The following CLOCK variants were observed in gnomAD, a reference collection of about 807,000 sequenced individuals.
CLOCK encodes circadian locomoter output cycles protein kaput.
CLOCK carries 43 observed loss-of-function variants against 118.4 expected under a neutral mutation model. The observed-to-expected ratio is 0.36, with a 90% CI of 0.28 to 0.47. The LOEUF (loss-of-function observed/expected upper bound fraction) is 0.47. Among genes scored for constraint, CLOCK ranks in the 20% least tolerant of loss-of-function variants. The probability of loss-of-function intolerance (pLI) is 1.00; values close to 1 mark genes in which losing one functional copy is unlikely to be tolerated. For missense variants in CLOCK, 846 were observed against 999.9 expected (o/e 0.85, Z 2.08); for synonymous variants, 326 against 339.2 (o/e 0.96, Z 0.43).
chr4:55,539,371 C>G (rs1441201020), intron 1 of CLOCK, among the ~76,000 whole-genome samples: 67 of 151,946 alleles, frequency 4.4e-4, no homozygotes, highest in Admixed American at 4.4e-3. Context: ...CCCAGGAGTT[C>G]AAGAACAGCC....
At chr4:55,511,868 C>G (rs191788949) in intron 1 of CLOCK, among the ~76,000 whole-genome samples, 38 of 152,098 alleles carry the variant, frequency 2.5e-4, no homozygotes, top group African/African-American at 8.7e-4. Context: ...TATGTAGTAG[C>G]CATTTCAGAC....
rs746419884 is a variant in CLOCK, at chr4:55,444,689, C to G, written c.1636G>C (p.Glu546Gln). 19 of 1,613,978 alleles carry G rather than the reference C, an allele frequency of 1.2e-5. No homozygotes were observed. Among genetic ancestry groups the G allele is most frequent in the Non-Finnish European group, 1.6e-5 (19 of 1,180,014 alleles). The part of the protein sequence containing the change: ...MIEANIHRQQ[E>Q]ELRKIQEQLQ... ...TGTTCTTGAATTTTTCTTAGTTCTT[C>G]TTGTTGCCGATGAATATTTGCTTCT... Residue 546 changes from glutamate to glutamine, a missense_variant, in exon 19 of 23, where the codon GAA becomes CAA. Glu to Gln is a conservative substitution (Grantham distance 29). Around this residue, in one of 4 missense-constraint regions of CLOCK, gnomAD observed 520 missense variants for 558.0 expected, o/e 0.93. Transcript: ENST00000513440.
intron 1 of CLOCK, among the ~76,000 whole-genome samples, chr4:55,519,067 T>C (rs1445795708): frequency 6.6e-6 from 1 of 152,182 alleles, no homozygotes; most frequent in Non-Finnish European, 1.5e-5. Flanking sequence ...ATTTTACTTT[T>C]ACTTGATAGG....
At chr4:55,536,264 T>C (rs1228802244) in intron 1 of CLOCK, among the ~76,000 whole-genome samples, 1 of 152,158 alleles carries the variant, frequency 6.6e-6, no homozygotes, top group African/African-American at 2.4e-5. Flanking sequence ...AAAATAAGGA[T>C]AGCAAACTAT....
intron 8 of CLOCK, among the ~76,000 whole-genome samples, chr4:55,467,322 G>GC (rs1303480846): frequency 6.6e-6 from 1 of 152,026 alleles, no homozygotes; most frequent in East Asian, 1.9e-4. Context: ...ACTGAGTGAC[G>GC]CTCCAAGGAA....
intron 6 of CLOCK, 129 bp downstream of exon 6, chr4:55,478,686 A>C: frequency 1.1e-6 from 1 of 889,202 alleles, no homozygotes; most frequent in Non-Finnish European, 1.8e-6. Context: ...CATATTAGGA[A>C]ACCTTTTAAA....
chr4:55,459,774 T>C (rs776816179), intron 9 of CLOCK, among the ~76,000 whole-genome samples: 30 of 152,228 alleles, frequency 2.0e-4, no homozygotes, highest in Non-Finnish European at 3.2e-4. Context: ...GTGAGCCCCC[T>C]GCCTCAGCCT....
chr4:55,532,951 C>T (rs562786324), intron 1 of CLOCK, among the ~76,000 whole-genome samples: 2 of 152,152 alleles, frequency 1.3e-5, no homozygotes, highest in Non-Finnish European at 2.9e-5. Flanking sequence ...TACAAAACAT[C>T]GCTAAAAGAA....
chr4:55,532,581 G>A (rs1025359490), intron 1 of CLOCK, among the ~76,000 whole-genome samples: 2 of 151,978 alleles, frequency 1.3e-5, no homozygotes, highest in Non-Finnish European at 2.9e-5. Context: ...ATCAAAAGAG[G>A]AAAGGCAAAC....
At position 55,432,160 on chromosome 4, in the gene CLOCK, C is replaced by G. The variant is rs964351340; in HGVS notation, c.*3255G>C. 10 of 152,122 alleles carry G rather than the reference C, an allele frequency of 6.6e-5. No individual in the cohort carries two copies. Among genetic ancestry groups the G allele is most frequent in the African/African-American group, 2.2e-4 (9 of 41,406 alleles). 9.4% of individuals were successfully genotyped at this position (152,122 alleles called of 1,614,324 possible). ...AATTTGGGATGCTCGAAGGCTAGAC[C>G]GTAGTATTTACTCACATGCTACCTG... On this transcript the variant is annotated 3_prime_UTR_variant, in exon 23 of 23. Transcript: ENST00000513440.
At chr4:55,458,129 C>G (rs1725040990) in intron 11 of CLOCK, among the ~76,000 whole-genome samples, 1 of 152,174 alleles carries the variant, frequency 6.6e-6, no homozygotes, top group Non-Finnish European at 1.5e-5. Flanking sequence ...AATGCAAACA[C>G]AGTTCACTGC....
chr4:55,480,404 A>G (rs1200913564), intron 4 of CLOCK, among the ~76,000 whole-genome samples: 2 of 152,160 alleles, frequency 1.3e-5, no homozygotes, highest in African/African-American at 4.8e-5. Flanking sequence ...AGCTGGGACC[A>G]CAGGTACATG....
At chr4:55,517,207 T>A (rs1729570657) in intron 1 of CLOCK, among the ~76,000 whole-genome samples, 1 of 152,152 alleles carries the variant, frequency 6.6e-6, no homozygotes, top group African/African-American at 2.4e-5. Flanking sequence ...TCCATGTGAT[T>A]ACTATAGTGT....
chr4:55,456,108 G>C (rs570289586), intron 12 of CLOCK, 105 bp from the exon 13 acceptor site: 3 of 1,331,808 alleles, frequency 2.3e-6, no homozygotes, highest in African/African-American at 1.5e-5. Context: ...CAAAAAATGG[G>C]AACAGGTTTC....
intron 3 of CLOCK, among the ~76,000 whole-genome samples, chr4:55,484,982 G>C (rs899164025): frequency 2.0e-5 from 3 of 151,232 alleles, no homozygotes; most frequent in Admixed American, 2.0e-4. Flanking sequence ...CTCTTTTTTT[G>C]AGACAGGGTC....
At chr4:55,506,125 C>G (rs1728781697) in intron 2 of CLOCK, among the ~76,000 whole-genome samples, 1 of 152,138 alleles carries the variant, frequency 6.6e-6, no homozygotes, top group Non-Finnish European at 1.5e-5. Flanking sequence ...TCTTCCAATA[C>G]TGAATCCAAT....
intron 1 of CLOCK, among the ~76,000 whole-genome samples, chr4:55,518,930 A>G (rs1729684156): frequency 6.6e-6 from 1 of 152,190 alleles, no homozygotes; most frequent in Non-Finnish European, 1.5e-5. Context: ...CCCTCATGTC[A>G]ATACATTTTC....
rs550753538 is a variant in CLOCK at position 55,480,365 on chromosome 4, A to G, written c.48-666T>C. ...CTGCAGCCTCAACCTCCTGGGTTCA[A>G]GAAGTCCTCTTGCCTCAGCCTGCTG... On this transcript the variant is annotated intron_variant, in intron 4 of 22. Transcript: ENST00000513440. 1.3e-4 allele frequency among the ~76,000 whole-genome samples: 20 copies of G among 152,310 alleles called. No individual in the cohort carries two copies. In the South Asian group the frequency reaches 4.1e-3, roughly 32 times the overall value.
intron 15 of CLOCK, among the ~76,000 whole-genome samples, chr4:55,451,300 C>T (rs1429923895): frequency 1.3e-5 from 2 of 152,154 alleles, no homozygotes; most frequent in Non-Finnish European, 2.9e-5. Flanking sequence ...TAACTTATTT[C>T]AGCTGAATCT....
Sources: allele counts gnomAD v4.1 joint callset (sites outside exome capture counted in the v4.1 genomes callset), GRCh38; gene constraint gnomAD v4.1.1; regional missense constraint gnomAD v4.1.1; transcripts MANE v1.5; gene names NCBI Gene and HGNC (gene_info 2026-07-23, HGNC 2026-07-21).